Variants in PIGK observed in about 807,000 individuals in gnomAD.
The protein encoded by PIGK is phosphatidylinositol glycan anchor biosynthesis class K.
In PIGK, 42 loss-of-function variants were observed where a neutral mutation model predicts 50.6. The ratio of observed to expected loss-of-function variants is 0.83; its 90% confidence interval spans 0.65 to 1.07. PIGK has a LOEUF of 1.07. Ranked by LOEUF, PIGK falls within the 50% of genes least tolerant of loss-of-function variation. The pLI is 0.00. For synonymous variants in PIGK, 151 were observed against 156.0 expected (o/e 0.97, Z 0.24); for missense variants, 448 against 488.7 (o/e 0.92, Z 0.78).
At chr1:77,134,154 G>A (rs1654447536) in intron 9 of PIGK, among the ~76,000 whole-genome samples, 1 of 152,196 alleles carries the variant, frequency 6.6e-6, no homozygotes, top group Admixed American at 6.5e-5. Flanking sequence ...GCCATAGTCT[G>A]CTGACTTCTG....
intron 5 of PIGK, among the ~76,000 whole-genome samples, 188 bp downstream of exon 5, chr1:77,166,531 G>A (rs17100002): frequency 0.037 from 5,597 of 152,074 alleles, 205 homozygotes; most frequent in South Asian, 0.21. Flanking sequence ...AGAAAATCAG[G>A]AACAGCACAA....
chr1:77,196,827 TA>T (rs1319738755), intron 3 of PIGK, among the ~76,000 whole-genome samples: 1 of 152,206 alleles, frequency 6.6e-6, no homozygotes, highest in Non-Finnish European at 1.5e-5. Flanking sequence ...TTTAATTAGG[TA>T]CAACCTGTCA....
At chr1:77,151,869 T>G (rs1198869942) in intron 9 of PIGK, among the ~76,000 whole-genome samples, 1 of 152,176 alleles carries the variant, frequency 6.6e-6, no homozygotes, top group Non-Finnish European at 1.5e-5. Flanking sequence ...AGACATCCCA[T>G]GCTCATGGAT....
chr1:77,195,678 A>G (rs1487351542), intron 3 of PIGK, among the ~76,000 whole-genome samples: 1 of 152,140 alleles, frequency 6.6e-6, no homozygotes, highest in African/African-American at 2.4e-5. Flanking sequence ...CCCTGCTAAT[A>G]GGCTTATTAT....
chr1:77,194,207 A>C (rs987839007), intron 3 of PIGK, among the ~76,000 whole-genome samples: 1 of 152,204 alleles, frequency 6.6e-6, no homozygotes, highest in Non-Finnish European at 1.5e-5. Context: ...TGTGGAGAAA[A>C]GGAATGTTTA....
chr1:77,199,269 G>A (rs1656106968), intron 3 of PIGK, among the ~76,000 whole-genome samples: 1 of 151,944 alleles, frequency 6.6e-6, no homozygotes, highest in African/African-American at 2.4e-5. Flanking sequence ...TCTCCACAAG[G>A]AACATCATGT....
At chr1:77,132,586 G>C (rs890121295) in intron 9 of PIGK, among the ~76,000 whole-genome samples, 5 of 151,754 alleles carry the variant, frequency 3.3e-5, no homozygotes, top group Non-Finnish European at 7.4e-5. Context: ...CAAGATGGTG[G>C]GGTTTTTTGT....
chr1:77,130,189 CTTTTT>C (rs67252426), intron 9 of PIGK, among the ~76,000 whole-genome samples: 1 of 103,930 alleles, frequency 9.6e-6, no homozygotes, highest in Non-Finnish European at 1.9e-5. Context: ...TTTGCATTGT[CTTTTT>C]TTTTTTTTTT....
chr1:77,181,940 A>G (rs1038998368), intron 3 of PIGK, among the ~76,000 whole-genome samples: 2 of 152,240 alleles, frequency 1.3e-5, no homozygotes, highest in African/African-American at 4.8e-5. Flanking sequence ...TAAATCTACT[A>G]ACCACAGATG....
At chr1:77,117,583 T>C (rs1209090544) in intron 10 of PIGK, among the ~76,000 whole-genome samples, 1 of 152,204 alleles carries the variant, frequency 6.6e-6, no homozygotes, top group Non-Finnish European at 1.5e-5. Flanking sequence ...AGGTGCCTGG[T>C]ACCTACCTTC....
intron 3 of PIGK, chr1:77,195,281 T>C (rs1656007100): frequency 4.5e-6 from 6 of 1,340,968 alleles, no homozygotes; most frequent in Non-Finnish European, 5.3e-6. Context: ...GCTGAGGTCC[T>C]GGAAGGCAAA....
intron 8 of PIGK, among the ~76,000 whole-genome samples, chr1:77,154,862 A>G (rs928707379): frequency 1.3e-5 from 2 of 152,206 alleles, no homozygotes; most frequent in Non-Finnish European, 2.9e-5. Context: ...GGGAAAAGGC[A>G]TACTCACTTT....
At chr1:77,162,082 G>A (rs1044493305) in intron 6 of PIGK, among the ~76,000 whole-genome samples, 1 of 152,152 alleles carries the variant, frequency 6.6e-6, no homozygotes, top group African/African-American at 2.4e-5. Context: ...TATACTCAAA[G>A]AGCATAAACT....
chr1:77,163,855 T>C lies in PIGK; in HGVS notation c.575A>G (p.Gln192Arg). 1 of 1,594,996 alleles carries C rather than the reference T, an allele frequency of 6.3e-7. No homozygotes were observed. Among genetic ancestry groups the C allele is most frequent in the Non-Finnish European group, 8.6e-7 (1 of 1,165,022 alleles). ...GTAATTTGCTAATTACCGTCTTTTC[T>C]GCCACATTTGTTCAAAAGCATCCGC... ...ELADAFEQMW[Q>R]KRRYNELLFI... The change falls in exon 6 of 11, where the codon CAG becomes CGG. Residue 192 changes from glutamine to arginine, a missense_variant. Coordinates refer to ENST00000370812, the MANE Select transcript of PIGK (RefSeq NM_005482.3).
chr1:77,119,761 C>A (rs781634840), intron 10 of PIGK, among the ~76,000 whole-genome samples: 6 of 152,206 alleles, frequency 3.9e-5, no homozygotes, highest in Non-Finnish European at 7.3e-5. Flanking sequence ...TGAAAGCCTC[C>A]ATCTCTCCTG....
chr1:77,119,493 C>T lies in PIGK; in HGVS notation c.1071+2782G>A, dbSNP rs570308371. 1.3e-4 allele frequency among the ~76,000 whole-genome samples: 20 copies of T among 152,346 alleles called. No homozygotes were observed. In the South Asian group the frequency reaches 2.7e-3, roughly 20 times the overall value. On this transcript the variant is annotated intron_variant, in intron 10 of 10. Coordinates refer to ENST00000370812, the MANE Select transcript of PIGK (RefSeq NM_005482.3). The stretch of plus-strand genomic sequence containing the variant: ...CCAATTTTATTTGGCTATCTCATCA[C>T]ATTCTCTTATTAATTTTATTGTTCA...
chr1:77,119,285 T>A (rs1654043894), intron 10 of PIGK, among the ~76,000 whole-genome samples: 1 of 152,232 alleles, frequency 6.6e-6, no homozygotes, highest in Non-Finnish European at 1.5e-5. Context: ...ATTTGGTATG[T>A]CTTTCTGTTT....
chr1:77,127,891 C>T (rs1268720538), intron 9 of PIGK, among the ~76,000 whole-genome samples: 1 of 152,140 alleles, frequency 6.6e-6, no homozygotes, highest in Non-Finnish European at 1.5e-5. Flanking sequence ...AAAGTTCACA[C>T]TCCTAAACTG....
Position 77,091,792 on chromosome 1 carries a change from T to C in PIGK, c.*582A>G, listed in dbSNP as rs2100504119. The C allele has an allele frequency of 6.6e-6, 1 of 152,306 alleles. No homozygotes were observed. The highest frequency in any genetic ancestry group is 2.1e-4 in the South Asian group (1 of 4,832). The allele number at this position is 152,306 out of a possible 1,614,324, so 9.4% of individuals were successfully genotyped here. ...TTAAAGAATAAACCAAAGGAAAACA[T>C]TTGGTACAATGTAAGTGGTCCAACA... On this transcript the variant is annotated 3_prime_UTR_variant, in exon 11 of 11. Transcript: ENST00000370812.
Sources: gnomAD v4.1 joint callset for allele counts (sites outside exome capture counted in the v4.1 genomes callset) on GRCh38, gnomAD v4.1.1 for gene constraint, MANE v1.5 for transcripts, NCBI Gene and HGNC (gene_info 2026-07-23, HGNC 2026-07-21) for gene names.